DISP1: variants seen among roughly 807,000 people sequenced by gnomAD.
DISP1 encodes the protein dispatched RND transporter family member 1.
In DISP1, 30 loss-of-function variants were observed where a neutral mutation model predicts 37.3. That is an observed-to-expected ratio of 0.80 (90% CI 0.60 to 1.09). DISP1 has a LOEUF of 1.09. Ranked by LOEUF, DISP1 falls within the 50% of genes least tolerant of loss-of-function variation. The pLI, the probability that DISP1 is intolerant of heterozygous loss-of-function variation, is 0.00. For missense variants in DISP1, 1,598 were observed against 1,879.5 expected, an observed-to-expected ratio of 0.85 and a Z score of 2.77; for synonymous variants, 634 against 690.2, an observed-to-expected ratio of 0.92 and a Z score of 1.28.
At chr1:222,984,421 A>AT (rs796974033) in intron 4 of DISP1, among the ~76,000 whole-genome samples, 4,788 of 105,706 alleles carry the variant, frequency 0.045, 267 homozygotes, top group South Asian at 0.073. Flanking sequence ...AAAAAAAAAA[A>AT]ATATATATAT....
chr1:222,877,381 C>T (rs1384402214), intron 1 of DISP1, among the ~76,000 whole-genome samples: 4 of 152,110 alleles, frequency 2.6e-5, no homozygotes, highest in Admixed American at 1.3e-4. Flanking sequence ...AGAGATTGTG[C>T]GGGAGAACTC....
chr1:222,832,592 C>G (rs1467078116), intron 1 of DISP1, among the ~76,000 whole-genome samples: 1 of 152,066 alleles, frequency 6.6e-6, no homozygotes, highest in Non-Finnish European at 1.5e-5. Flanking sequence ...AATTTTAAGT[C>G]AAATTTAAAA....
intron 1 of DISP1, among the ~76,000 whole-genome samples, chr1:222,835,955 C>CA (rs1275754600): frequency 0.19 from 21,905 of 116,882 alleles, 1,970 homozygotes; most frequent in South Asian, 0.33. Flanking sequence ...ACTCTTGTCT[C>CA]AAAAAAAAAA....
chr1:222,875,830 T>TAAAA (rs3028391), intron 1 of DISP1, among the ~76,000 whole-genome samples: 10 of 132,388 alleles, frequency 7.6e-5, no homozygotes, highest in Admixed American at 1.6e-4. Flanking sequence ...CACATCTCAA[T>TAAAA]AAAAAAAAAA....
chr1:222,976,931 T>C (rs1249416335), intron 3 of DISP1, among the ~76,000 whole-genome samples: 2 of 152,240 alleles, frequency 1.3e-5, no homozygotes, highest in Non-Finnish European at 2.9e-5. Context: ...TTAAGATTTT[T>C]GTATACAAGT....
At chr1:222,950,455 C>A (rs149637307) in intron 3 of DISP1, among the ~76,000 whole-genome samples, 12,219 of 152,132 alleles carry the variant, frequency 0.08, 662 homozygotes, top group Non-Finnish European at 0.12. Flanking sequence ...AAAAAATTAG[C>A]TGGGCGTGGT....
chr1:222,967,053 A>G (rs1405683711), intron 3 of DISP1, among the ~76,000 whole-genome samples: 1 of 152,128 alleles, frequency 6.6e-6, no homozygotes, highest in Non-Finnish European at 1.5e-5. Flanking sequence ...AATAAACCCA[A>G]TTCCACTCTG....
intron 1 of DISP1, among the ~76,000 whole-genome samples, chr1:222,844,019 G>A (rs534202887): frequency 2.0e-4 from 31 of 152,198 alleles, no homozygotes; most frequent in Middle Eastern, 3.4e-3. Context: ...TACATGCTAA[G>A]TGTTTATCTC....
rs993514936 is a variant in DISP1 at position 222,908,166 on chromosome 1, G to T, written c.-158-20264G>T. ...AATGTCAATTTATTATGTATAGTAGGTAAAAAACTGGCTCAAATCAGAACA... is the reference window on the plus strand; with the variant it reads ...AATGTCAATTTATTATGTATAGTAGTTAAAAAACTGGCTCAAATCAGAACA... On this transcript the variant is annotated intron_variant, in intron 1 of 8. Transcript: ENST00000675850. 4.6e-5 allele frequency among the ~76,000 whole-genome samples: 7 copies of T among 152,228 alleles called. No homozygotes were observed. The South Asian group carries it at 1.5e-3, about 32-fold the overall frequency.
At chr1:222,966,369 C>G (rs562500395) in intron 3 of DISP1, among the ~76,000 whole-genome samples, 11 of 152,098 alleles carry the variant, frequency 7.2e-5, no homozygotes, top group African/African-American at 2.4e-4. Flanking sequence ...TCATCAGAGG[C>G]CTTCTACAGG....
intron 1 of DISP1, among the ~76,000 whole-genome samples, chr1:222,908,274 C>T (rs1286870106): frequency 6.6e-6 from 1 of 152,142 alleles, no homozygotes; most frequent in Non-Finnish European, 1.5e-5. Flanking sequence ...ATCACTTGAA[C>T]ACAGGAGTTT....
chr1:222,901,521 T>G (rs1011925343), intron 1 of DISP1, among the ~76,000 whole-genome samples: 42 of 151,028 alleles, frequency 2.8e-4, no homozygotes, highest in African/African-American at 6.0e-4. Flanking sequence ...TTGTTTGTTT[T>G]TTTGTTTGTT....
At chr1:222,825,157 G>C (rs1246044377) in intron 1 of DISP1, among the ~76,000 whole-genome samples, 1 of 145,680 alleles carries the variant, frequency 6.9e-6, no homozygotes, top group African/African-American at 2.5e-5. Context: ...AATGTGGGGG[G>C]GCAGTGGTGG....
intron 3 of DISP1, among the ~76,000 whole-genome samples, chr1:222,978,105 C>T (rs1231328615): frequency 2.6e-5 from 4 of 152,134 alleles, no homozygotes; most frequent in Admixed American, 1.3e-4. Flanking sequence ...CCTTCCACAA[C>T]GACTTCCACA....
chr1:222,899,519 T>C (rs2125402182), intron 1 of DISP1, among the ~76,000 whole-genome samples: 1 of 152,196 alleles, frequency 6.6e-6, no homozygotes, highest in South Asian at 2.1e-4. Context: ...CTGCCAAGGG[T>C]GAGGGTCTTG....
chr1:222,892,072 G>T (rs943763883), intron 1 of DISP1, among the ~76,000 whole-genome samples: 1 of 152,130 alleles, frequency 6.6e-6, no homozygotes, highest in Non-Finnish European at 1.5e-5. Flanking sequence ...TTTAGGATTT[G>T]CTTCCTGGCA....
At chr1:222,833,693 C>G (rs1666326532) in intron 1 of DISP1, among the ~76,000 whole-genome samples, 1 of 152,140 alleles carries the variant, frequency 6.6e-6, no homozygotes, top group Non-Finnish European at 1.5e-5. Context: ...GTGTTCATTT[C>G]AGATGTTATG....
chr1:222,836,556 G>C (rs1213210647), intron 1 of DISP1, among the ~76,000 whole-genome samples: 2 of 152,054 alleles, frequency 1.3e-5, no homozygotes, highest in African/African-American at 4.8e-5. Flanking sequence ...GTAACTGGCT[G>C]TGGGACCTTA....
intron 2 of DISP1, among the ~76,000 whole-genome samples, chr1:222,939,848 G>T (rs1215136688): frequency 1.3e-5 from 2 of 151,340 alleles, no homozygotes; most frequent in East Asian, 1.9e-4. Context: ...AAAAAAGGCC[G>T]GGCGCAGTGG....
Sources: gnomAD v4.1 joint callset for allele counts (sites outside exome capture counted in the v4.1 genomes callset) on GRCh38, gnomAD v4.1.1 for gene constraint, MANE v1.5 for transcripts, NCBI Gene and HGNC (gene_info 2026-07-23, HGNC 2026-07-21) for gene names.